NTM: variants seen among roughly 807,000 people sequenced by gnomAD.
NTM encodes the protein neurotrimin, also known as IgLON family member 2.
Under a neutral mutation model 42.1 loss-of-function variants are expected in NTM, and 13 were observed. That is an observed-to-expected ratio of 0.31 (90% CI 0.20 to 0.49). The LOEUF (loss-of-function observed/expected upper bound fraction) is 0.49, where lower values mean the gene tolerates loss of function less well. Ranked by LOEUF, NTM falls within the 20% of genes least tolerant of loss-of-function variation. The probability of loss-of-function intolerance (pLI) is 0.99; values close to 1 mark genes in which losing one functional copy is unlikely to be tolerated. For synonymous variants in NTM, 187 were observed against 179.2 expected (o/e 1.04, Z -0.35); for missense variants, 373 against 452.8 (o/e 0.82, Z 1.60).
At chr11:132,310,042 G>A (rs2095232620) in intron 5 of NTM, 70 bp from the exon 6 acceptor site, 1 of 1,476,284 alleles carries the variant, frequency 6.8e-7, no homozygotes, top group Non-Finnish European at 8.9e-7. Flanking sequence ...AGCCACAAGA[G>A]CAAGACTCCA....
At chr11:131,635,470 C>T (rs1363281682) in intron 1 of NTM, among the ~76,000 whole-genome samples, 1 of 151,976 alleles carries the variant, frequency 6.6e-6, no homozygotes, top group Non-Finnish European at 1.5e-5. Flanking sequence ...TAGAAAAAAA[C>T]TTACAGAATA....
At chr11:131,893,893 A>G (rs2137556032) in intron 1 of NTM, among the ~76,000 whole-genome samples, 1 of 152,270 alleles carries the variant, frequency 6.6e-6, no homozygotes, top group East Asian at 1.9e-4. Context: ...AAAGATAGTA[A>G]TCAAGTGGGC....
intron 1 of NTM, among the ~76,000 whole-genome samples, chr11:131,855,803 A>C (rs541221769): frequency 2.1e-4 from 32 of 152,114 alleles, no homozygotes; most frequent in Non-Finnish European, 4.4e-4. Context: ...CTCCCTACAC[A>C]TCAGAGACCC....
At chr11:132,237,218 T>G (rs927165365) in intron 4 of NTM, among the ~76,000 whole-genome samples, 1 of 152,198 alleles carries the variant, frequency 6.6e-6, no homozygotes, top group Non-Finnish European at 1.5e-5. Flanking sequence ...AACTTAGATG[T>G]CCTGTTGTCC....
At chr11:132,313,363 T>C (rs1313456534) in intron 6 of NTM, among the ~76,000 whole-genome samples, 1 of 152,050 alleles carries the variant, frequency 6.6e-6, no homozygotes, top group Non-Finnish European at 1.5e-5. Flanking sequence ...TCCAGTGTGC[T>C]CCCGCCATGT....
intron 4 of NTM, among the ~76,000 whole-genome samples, chr11:132,269,505 T>C (rs754416700): frequency 2.0e-5 from 3 of 152,204 alleles, no homozygotes; most frequent in Non-Finnish European, 2.9e-5. Flanking sequence ...CCATCTAATA[T>C]GGCAGATTAT....
intron 1 of NTM, among the ~76,000 whole-genome samples, chr11:131,520,407 G>A (rs1005168997): frequency 1.4e-4 from 22 of 152,040 alleles, no homozygotes; most frequent in Non-Finnish European, 2.5e-4. Context: ...GGTAGAGGTG[G>A]GTCTTGGAAC....
intron 1 of NTM, among the ~76,000 whole-genome samples, chr11:131,639,499 T>C (rs748602815): frequency 9.2e-5 from 14 of 152,234 alleles, no homozygotes; most frequent in Non-Finnish European, 1.9e-4. Context: ...TCCTACCTCG[T>C]AGGTCAGATA....
chr11:131,953,409 G>A (rs1219878812), intron 2 of NTM, among the ~76,000 whole-genome samples: 1 of 152,166 alleles, frequency 6.6e-6, no homozygotes, highest in East Asian at 1.9e-4. Context: ...GTATGCGTGT[G>A]TGTCTATGTG....
chr11:131,439,943 C>CTT (rs11388263), intron 1 of NTM, among the ~76,000 whole-genome samples: 10,470 of 137,662 alleles, frequency 0.076, 476 homozygotes, highest in Non-Finnish European at 0.09. Context: ...CCATCTTAGG[C>CTT]TTTTTTTTTT....
At position 132,146,704 on chromosome 11, in the gene NTM, T is replaced by G. The variant is rs2070492565; in HGVS notation, c.400+190T>G. ...TCCAGTCATTTTCATTGAGTGGAAC[T>G]AGGAATTGTTTTTTTCATTTTTGTT... is the stretch of plus-strand genomic sequence containing the variant. On this transcript the variant is annotated intron_variant, in intron 3 of 8. Coordinates refer to ENST00000683400, the MANE Select transcript of NTM (RefSeq NM_001352005.2). This position sits in a 1 kb window ranked among gnomAD's most constrained non-coding sequence, Gnocchi z 4.5. The G allele has an allele frequency of 6.0e-6, 3 of 503,964 alleles. No homozygotes were observed. The highest frequency in any genetic ancestry group is 1.0e-5 in the Non-Finnish European group (3 of 291,948). The allele number at this position is 503,964 out of a possible 1,614,324, so 31.2% of individuals were successfully genotyped here.
chr11:132,252,746 A>C (rs1446469594), intron 4 of NTM, among the ~76,000 whole-genome samples: 1 of 152,222 alleles, frequency 6.6e-6, no homozygotes, highest in Admixed American at 6.5e-5. Flanking sequence ...GTCCATGTGC[A>C]CCATGATTTC....
At chr11:132,054,815 A>C (rs1025987294) in intron 2 of NTM, among the ~76,000 whole-genome samples, 2 of 152,244 alleles carry the variant, frequency 1.3e-5, no homozygotes, top group African/African-American at 4.8e-5. Flanking sequence ...CCAAGTATCC[A>C]TCTAGTTTAT....
intron 1 of NTM, among the ~76,000 whole-genome samples, chr11:131,697,974 G>A (rs1306060210): frequency 6.6e-6 from 1 of 152,162 alleles, no homozygotes; most frequent in Non-Finnish European, 1.5e-5. Context: ...AGGGGCTCCA[G>A]GAGTGAATCC....
chr11:131,422,276 C>A (rs932933645), intron 1 of NTM, among the ~76,000 whole-genome samples: 3 of 152,302 alleles, frequency 2.0e-5, no homozygotes, highest in East Asian at 1.9e-4. Context: ...CTGCTGCCTG[C>A]CTTCTTCCTC....
chr11:132,113,593 C>T (rs2063507078), intron 2 of NTM, among the ~76,000 whole-genome samples: 1 of 152,186 alleles, frequency 6.6e-6, no homozygotes, highest in Admixed American at 6.5e-5. Flanking sequence ...GATTGAAATG[C>T]CTCCACCACT....
At chr11:132,326,033 G>A (rs1002803701) in intron 7 of NTM, among the ~76,000 whole-genome samples, 1 of 151,918 alleles carries the variant, frequency 6.6e-6, no homozygotes, top group Non-Finnish European at 1.5e-5. Context: ...GGGGGGACGG[G>A]GGAGGGATAG....
intron 1 of NTM, among the ~76,000 whole-genome samples, chr11:131,790,882 T>G (rs2090834853): frequency 6.6e-6 from 1 of 152,190 alleles, no homozygotes; most frequent in Non-Finnish European, 1.5e-5. Flanking sequence ...AGATCTGCAC[T>G]GCAAAGTTTG....
intron 1 of NTM, among the ~76,000 whole-genome samples, chr11:131,464,017 T>C (rs972800166): frequency 6.6e-6 from 1 of 152,266 alleles, no homozygotes; most frequent in Non-Finnish European, 1.5e-5. Context: ...ACCCTGTTTA[T>C]GTGGTGCTTG....
Sources: allele counts gnomAD v4.1 joint callset (sites outside exome capture counted in the v4.1 genomes callset), GRCh38; gene constraint gnomAD v4.1.1; non-coding constraint Gnocchi (gnomAD v3.1); transcripts MANE v1.5; gene names NCBI Gene and HGNC (gene_info 2026-07-23, HGNC 2026-07-21).